Variants in SGPP2 observed in about 807,000 individuals in gnomAD.
SGPP2 encodes the protein sphingosine 1-phosphate phosphohydrolase 2.
A neutral mutation model predicts 33.9 loss-of-function variants in SGPP2; 30 were observed. The ratio of observed to expected loss-of-function variants is 0.89; its 90% CI spans 0.66 to 1.20. The LOEUF (loss-of-function observed/expected upper bound fraction) is 1.20. SGPP2 is among the 50% of genes most tolerant of loss of function. SGPP2 has a pLI of 0.00. For missense variants in SGPP2, 458 were observed against 532.1 expected, an observed-to-expected ratio of 0.86 and a Z score of 1.37; for synonymous variants, 233 against 225.0, an observed-to-expected ratio of 1.04 and a Z score of -0.32.
intron 1 of SGPP2, among the ~76,000 whole-genome samples, chr2:222,443,316 C>T (rs996850717): frequency 3.3e-5 from 5 of 152,050 alleles, no homozygotes; most frequent in African/African-American, 1.2e-4. Flanking sequence ...CTAACGATCC[C>T]ATCGCCCAAG....
chr2:222,510,698 T>G (rs1422241966), intron 2 of SGPP2, among the ~76,000 whole-genome samples: 1 of 152,186 alleles, frequency 6.6e-6, no homozygotes, highest in Non-Finnish European at 1.5e-5. Flanking sequence ...GACTTAGGTT[T>G]TATTATGATC....
At chr2:222,429,717 C>A (rs532555329) in intron 1 of SGPP2, among the ~76,000 whole-genome samples, 1 of 152,328 alleles carries the variant, frequency 6.6e-6, no homozygotes, top group East Asian at 1.9e-4. Context: ...GTACAAGTAT[C>A]TCTCCACCTG....
In SGPP2 at chr2:222,477,123, A is replaced by C. The variant is rs1574851151; in HGVS notation, c.378+2397A>C. 1.3e-5 allele frequency among the ~76,000 whole-genome samples: 2 copies of C among 148,770 alleles called. No individual in the cohort carries two copies. Among genetic ancestry groups the C allele is most frequent in the Non-Finnish European group, 3.0e-5 (2 of 67,064 alleles). ...TGTATATAGGTGTGTATATATGTGT[A>C]TGTGTGTGTATATAGGTGTGTATAT... On this transcript the variant is annotated intron_variant, in intron 2 of 4. Coordinates refer to ENST00000321276, the MANE Select transcript of SGPP2 (RefSeq NM_152386.4). This position sits in a 1 kb window ranked among gnomAD's most constrained non-coding sequence, Gnocchi z 6.0.
intron 2 of SGPP2, among the ~76,000 whole-genome samples, chr2:222,519,470 A>G (rs1698651279): frequency 6.6e-6 from 1 of 152,272 alleles, no homozygotes; most frequent in Non-Finnish European, 1.5e-5. Context: ...TCTATTGTTA[A>G]TAATCCTATT....
chr2:222,543,671 A>G (rs953479295), intron 4 of SGPP2, among the ~76,000 whole-genome samples: 1 of 152,192 alleles, frequency 6.6e-6, no homozygotes, highest in Non-Finnish European at 1.5e-5. Flanking sequence ...ACAGAAGACA[A>G]AATCATGGAC....
intron 4 of SGPP2, among the ~76,000 whole-genome samples, chr2:222,541,363 G>T (rs1340326650): frequency 6.6e-6 from 1 of 152,152 alleles, no homozygotes; most frequent in Non-Finnish European, 1.5e-5. Flanking sequence ...GCTGTTTTAT[G>T]CTTTGCACAC....
rs1469818069 is a variant in SGPP2 at position 222,465,480 on chromosome 2, G to T, written c.220-9088G>T. 2.0e-5 allele frequency among the ~76,000 whole-genome samples: 3 copies of T among 152,000 alleles called. No individual in the cohort carries two copies. The highest frequency in any genetic ancestry group is 4.8e-5 in the African/African-American group (2 of 41,384). ...GGGCCAGGTTAGTAAATAGATTTGT[G>T]AATTCAGGACACCACAGGTCTCCCT... On this transcript the variant is annotated intron_variant, in intron 1 of 4. Transcript: ENST00000321276. The surrounding 1 kb of genome is among the most constrained non-coding windows in gnomAD (Gnocchi z 4.1).
chr2:222,479,685 G>A (rs573873493), intron 2 of SGPP2, among the ~76,000 whole-genome samples: 8 of 152,118 alleles, frequency 5.3e-5, no homozygotes, highest in African/African-American at 1.9e-4. Flanking sequence ...TTACAGGCGT[G>A]AGCCACCGCG....
At position 222,559,691 on chromosome 2, in the gene SGPP2, G is replaced by A. The variant is rs553605798; in HGVS notation, c.*793G>A. ...GTACGTCTGAAACTCCTGGGCTTAA[G>A]TGATCCACCCACCTCAGCCTCCCAA... On this transcript the variant is annotated 3_prime_UTR_variant, in exon 5 of 5. Coordinates refer to ENST00000321276, the MANE Select transcript of SGPP2 (RefSeq NM_152386.4). 6.6e-6 allele frequency: 1 copy of A among 152,602 alleles called. No homozygotes were observed. The highest frequency in any genetic ancestry group is 2.1e-4 in the South Asian group (1 of 4,826). 9.5% of individuals were successfully genotyped at this position (152,602 alleles called of 1,614,324 possible).
In SGPP2 at chr2:222,559,472, TTTTG is replaced by T. The variant is rs1259573443; in HGVS notation, c.*579_*582del. ...GTTTATTTGGTGATTTTTTGTTTTG[TTTTG>T]TTTGAGACAGGATCTTGCTCTGTTT... is the stretch of plus-strand genomic sequence containing the variant. On this transcript the variant is annotated 3_prime_UTR_variant, in exon 5 of 5. Coordinates refer to ENST00000321276, the MANE Select transcript of SGPP2 (RefSeq NM_152386.4). 1 of 155,632 alleles carries T rather than the reference TTTTG, an allele frequency of 6.4e-6. No homozygotes were observed. The highest frequency in any genetic ancestry group is 2.0e-4 in the South Asian group (1 of 5,048). 9.6% of individuals were successfully genotyped at this position (155,632 alleles called of 1,614,324 possible).
intron 1 of SGPP2, among the ~76,000 whole-genome samples, chr2:222,471,030 C>A (rs1697831664): frequency 6.6e-6 from 1 of 152,214 alleles, no homozygotes; most frequent in South Asian, 2.1e-4. Flanking sequence ...TCTACACTTC[C>A]TTATCTAATT....
chr2:222,520,999 G>A (rs748335249), intron 2 of SGPP2, among the ~76,000 whole-genome samples: 9 of 152,094 alleles, frequency 5.9e-5, no homozygotes, highest in Admixed American at 3.3e-4. Context: ...GGCTCAAGCC[G>A]TCCTCCCGCC....
intron 1 of SGPP2, among the ~76,000 whole-genome samples, chr2:222,436,848 TG>T (rs1238575804): frequency 1.9e-4 from 29 of 152,174 alleles, no homozygotes; most frequent in Non-Finnish European, 3.4e-4. Context: ...AACGGAATGG[TG>T]CCATATCGAG....
intron 1 of SGPP2, among the ~76,000 whole-genome samples, chr2:222,431,288 T>G (rs997111637): frequency 1.3e-5 from 2 of 151,982 alleles, no homozygotes; most frequent in Non-Finnish European, 2.9e-5. Context: ...TCGGATCACT[T>G]GAAGTCAGGC....
intron 1 of SGPP2, among the ~76,000 whole-genome samples, chr2:222,472,589 T>C (rs1428017906): frequency 6.6e-6 from 1 of 152,214 alleles, no homozygotes; most frequent in Non-Finnish European, 1.5e-5. Context: ...TGTAGAAACG[T>C]AAGCTGGGGG....
Position 222,477,537 on chromosome 2 carries a change from T to G in SGPP2, c.378+2811T>G, listed in dbSNP as rs79342297. Reference sequence around the variant, plus strand: ...TATATGTCTGTGTATATATGTGTATTTGTGTTTATAGGTGTGTATATATGT... The same window carrying G: ...TATATGTCTGTGTATATATGTGTATGTGTGTTTATAGGTGTGTATATATGT... On this transcript the variant is annotated intron_variant, in intron 2 of 4. Transcript: ENST00000321276. This position sits in a 1 kb window ranked among gnomAD's most constrained non-coding sequence, Gnocchi z 6.0. 0.03 allele frequency among the ~76,000 whole-genome samples: 4,506 copies of G among 151,740 alleles called. 241 individuals carry two copies. Among genetic ancestry groups the G allele is most frequent in the African/African-American group, 0.1 (4,220 of 41,324 alleles).
chr2:222,447,276 C>A (rs536576540), intron 1 of SGPP2, among the ~76,000 whole-genome samples: 1 of 152,332 alleles, frequency 6.6e-6, no homozygotes, highest in Non-Finnish European at 1.5e-5. Flanking sequence ...CTACTTCTCA[C>A]TGACAGGACT....
At chr2:222,474,795 C>A in intron 2 of SGPP2, 69 bp downstream of exon 2, 150 of 1,137,324 alleles carry the variant, frequency 1.3e-4, no homozygotes, top group Non-Finnish European at 1.7e-4. Context: ...TACTCAAGTA[C>A]TTTGCAAATA....
At position 222,474,674 on chromosome 2, in the gene SGPP2, C is replaced by G; in HGVS notation, c.326C>G (p.Thr109Ser). The G allele has an allele frequency of 6.2e-7, 1 of 1,613,912 alleles. No individual in the cohort carries two copies. The change falls in exon 2 of 5, where the codon ACT becomes AGT. Residue 109 changes from threonine (T) to serine (S), a missense_variant. Physicochemically the swap from Thr to Ser is moderately conservative, Grantham distance 58 (BLOSUM62 1). Coordinates refer to ENST00000321276, the MANE Select transcript of SGPP2 (RefSeq NM_152386.4). ...TTCTACATCACGTTTCTTCCATTCACTCACTGGAATATTGACCCTTATTTA... is the reference window on the plus strand; with the variant it reads ...TTCTACATCACGTTTCTTCCATTCAGTCACTGGAATATTGACCCTTATTTA... Reference protein sequence around the residue: ...EVFYITFLPFTHWNIDPYLSR... With the variant: ...EVFYITFLPFSHWNIDPYLSR...
Sources: allele counts gnomAD v4.1 joint callset (sites outside exome capture counted in the v4.1 genomes callset), GRCh38; gene constraint gnomAD v4.1.1; non-coding constraint Gnocchi (gnomAD v3.1); transcripts MANE v1.5; gene names NCBI Gene and HGNC (gene_info 2026-07-23, HGNC 2026-07-21).